The following KIAA1217 variants were observed in gnomAD, a reference collection of about 807,000 sequenced individuals.
KIAA1217 encodes sickle tail protein homolog.
Under a neutral mutation model 163.9 loss-of-function variants are expected in KIAA1217, and 88 were observed. The ratio of observed to expected loss-of-function variants is 0.54; its 90% CI spans 0.45 to 0.64. KIAA1217 has a LOEUF of 0.64. KIAA1217 is among the 30% of genes least tolerant of loss of function. The pLI is 0.00. For synonymous variants in KIAA1217, 903 were observed against 923.1 expected (o/e 0.98, Z 0.39); for missense variants, 2,372 against 2,475.0 (o/e 0.96, Z 0.88).
chr10:23,823,267 T>C (rs1837713646), intron 1 of KIAA1217, among the ~76,000 whole-genome samples: 1 of 152,224 alleles, frequency 6.6e-6, no homozygotes, highest in Non-Finnish European at 1.5e-5. Flanking sequence ...ACTGAGGTCC[T>C]GCTTCCTTGC....
intron 3 of KIAA1217, among the ~76,000 whole-genome samples, chr10:24,421,993 A>G (rs1222203010): frequency 1.3e-5 from 2 of 152,232 alleles, no homozygotes; most frequent in Non-Finnish European, 2.9e-5. Context: ...AAGAAGTTTA[A>G]TGGACTCACA....
At chr10:23,960,129 G>A (rs929697544) in intron 1 of KIAA1217, among the ~76,000 whole-genome samples, 9 of 150,968 alleles carry the variant, frequency 6.0e-5, no homozygotes. Context: ...GTTAGCCAGG[G>A]TGGTCTCGAT....
chr10:24,171,980 G>T (rs1589763377), intron 2 of KIAA1217, among the ~76,000 whole-genome samples: 1 of 152,204 alleles, frequency 6.6e-6, no homozygotes, highest in African/African-American at 2.4e-5. Flanking sequence ...TGAGGTTGGG[G>T]CTATTATTAT....
chr10:24,412,934 T>C (rs1033441203), intron 3 of KIAA1217, among the ~76,000 whole-genome samples: 13 of 152,300 alleles, frequency 8.5e-5, no homozygotes, highest in African/African-American at 2.9e-4. Context: ...GTTTTCCCCA[T>C]CTCAATAAAT....
intron 2 of KIAA1217, among the ~76,000 whole-genome samples, chr10:24,253,944 A>C (rs1351278460): frequency 6.6e-6 from 1 of 151,920 alleles, no homozygotes; most frequent in Non-Finnish European, 1.5e-5. Context: ...TAAAAATAAA[A>C]TAAAATGTTT....
intron 2 of KIAA1217, among the ~76,000 whole-genome samples, chr10:24,176,248 G>A (rs1417498841): frequency 1.3e-5 from 2 of 151,494 alleles, no homozygotes; most frequent in Non-Finnish European, 2.9e-5. Context: ...CACTAGATTA[G>A]CTAGACACAA....
chr10:23,928,862 C>G (rs1191998653), intron 1 of KIAA1217, among the ~76,000 whole-genome samples: 3 of 152,238 alleles, frequency 2.0e-5, no homozygotes. Flanking sequence ...GTGATAGCCA[C>G]TCTGTGGCCA....
intron 2 of KIAA1217, among the ~76,000 whole-genome samples, chr10:24,112,119 T>A (rs1017559442): frequency 2.0e-5 from 3 of 152,166 alleles, no homozygotes; most frequent in Non-Finnish European, 2.9e-5. Context: ...TGATTTGAGT[T>A]AATTACAGAC....
intron 1 of KIAA1217, among the ~76,000 whole-genome samples, chr10:24,209,737 G>A (rs980800366): frequency 2.0e-5 from 3 of 152,140 alleles, no homozygotes; most frequent in Non-Finnish European, 4.4e-5. Flanking sequence ...CAGAAACCAG[G>A]CATGTTTTAT....
At chr10:23,942,015 G>GA (rs1299072483) in intron 1 of KIAA1217, among the ~76,000 whole-genome samples, 24 of 152,084 alleles carry the variant, frequency 1.6e-4, no homozygotes, top group Admixed American at 1.6e-3. Context: ...CACAGAGGAA[G>GA]AAAAAAGAAT....
intron 2 of KIAA1217, among the ~76,000 whole-genome samples, chr10:24,366,165 T>G (rs1217345078): frequency 6.6e-6 from 1 of 151,998 alleles, no homozygotes; most frequent in African/African-American, 2.4e-5. Flanking sequence ...CAAAAATGAG[T>G]CGGATGCAGT....
intron 1 of KIAA1217, among the ~76,000 whole-genome samples, chr10:23,964,359 T>C (rs1223823875): frequency 2.0e-5 from 3 of 151,828 alleles, no homozygotes; most frequent in African/African-American, 7.3e-5. Context: ...CTTTGTCAGA[T>C]GGATACATTG....
chr10:24,508,670 A>G (rs2068689352), intron 9 of KIAA1217, among the ~76,000 whole-genome samples: 1 of 152,262 alleles, frequency 6.6e-6, no homozygotes, highest in Non-Finnish European at 1.5e-5. Flanking sequence ...CACAAATATT[A>G]AAATTTTGTT....
At chr10:23,928,097 C>T (rs12259746) in intron 1 of KIAA1217, among the ~76,000 whole-genome samples, 10,916 of 152,212 alleles carry the variant, frequency 0.072, 766 homozygotes, top group African/African-American at 0.19. Context: ...CCTCTGTAGG[C>T]TTGGCTGGCT....
chr10:24,466,431 G>A (rs751933162), intron 5 of KIAA1217: 33 of 673,202 alleles, frequency 4.9e-5, no homozygotes, highest in South Asian at 1.3e-4. Context: ...TGAGTCACCC[G>A]TGAGGTAGCC....
intron 1 of KIAA1217, among the ~76,000 whole-genome samples, chr10:23,818,813 T>A (rs1003644445): frequency 2.0e-5 from 3 of 152,128 alleles, no homozygotes; most frequent in African/African-American, 4.8e-5. Context: ...CTCTGTAAGC[T>A]CTCTTGACAA....
intron 1 of KIAA1217, among the ~76,000 whole-genome samples, chr10:23,953,345 T>G (rs1268464662): frequency 6.6e-6 from 1 of 152,218 alleles, no homozygotes; most frequent in Non-Finnish European, 1.5e-5. Flanking sequence ...GTCTCAGGAA[T>G]CCAGGGTCCT....
chr10:24,259,925 C>T (rs538803467), intron 2 of KIAA1217, among the ~76,000 whole-genome samples: 30 of 152,318 alleles, frequency 2.0e-4, no homozygotes, highest in South Asian at 6.2e-4. Context: ...AAATGCCAAA[C>T]CATTCCATCT....
At chr10:23,774,536 A>G (rs1834929366) in intron 1 of KIAA1217, among the ~76,000 whole-genome samples, 1 of 152,050 alleles carries the variant, frequency 6.6e-6, no homozygotes, top group Non-Finnish European at 1.5e-5. Flanking sequence ...GTCTGTGCAG[A>G]CCTCCTCTAC....
Sources: allele counts gnomAD v4.1 joint callset (sites outside exome capture counted in the v4.1 genomes callset), GRCh38; gene constraint gnomAD v4.1.1; transcripts MANE v1.5; gene names NCBI Gene and HGNC (gene_info 2026-07-23, HGNC 2026-07-21).